The following CCDC125 variants were observed in gnomAD, a reference collection of about 807,000 sequenced individuals.
CCDC125 encodes the protein coiled-coil domain-containing protein 125.
CCDC125 carries 43 observed loss-of-function variants against 57.4 expected under a neutral mutation model. The observed-to-expected ratio is 0.75, with a 90% CI of 0.59 to 0.97. CCDC125 has a LOEUF of 0.97. CCDC125 is among the 50% of genes least tolerant of loss of function. The pLI is 0.00. For synonymous variants in CCDC125, 187 were observed against 195.2 expected (o/e 0.96, Z 0.35); for missense variants, 563 against 595.7 (o/e 0.95, Z 0.57).
intron 10 of CCDC125, among the ~76,000 whole-genome samples, chr5:69,290,642 T>C (rs1176814200): frequency 1.4e-5 from 2 of 147,382 alleles, no homozygotes; most frequent in African/African-American, 5.0e-5. Context: ...TTTTTTTTTT[T>C]TTTGTTTGAG....
intron 11 of CCDC125, among the ~76,000 whole-genome samples, 179 bp downstream of exon 11, chr5:69,285,158 A>G (rs1446446531): frequency 6.6e-6 from 1 of 152,110 alleles, no homozygotes; most frequent in Non-Finnish European, 1.5e-5. Flanking sequence ...CACTAATGAT[A>G]GCTGATGAAC....
chr5:69,283,093 G>A, intron 11 of CCDC125, 59 bp from the exon 12 acceptor site: 1 of 1,322,210 alleles, frequency 7.6e-7, no homozygotes, highest in South Asian at 1.4e-5. Context: ...AATATATTCA[G>A]AGAAAGGAGT....
At chr5:69,287,207 TGAGA>T (rs987315429) in intron 10 of CCDC125, among the ~76,000 whole-genome samples, 2 of 151,814 alleles carry the variant, frequency 1.3e-5, no homozygotes, top group Non-Finnish European at 2.9e-5. Flanking sequence ...ACTGAGAAAC[TGAGA>T]AAGAACTACT....
At position 69,315,577 on chromosome 5, in the gene CCDC125, T is replaced by C. The variant is rs538406730; in HGVS notation, c.305-1531A>G. 4.7e-5 allele frequency among the ~76,000 whole-genome samples: 7 copies of C among 149,806 alleles called. No individual in the cohort carries two copies. In the East Asian group the frequency reaches 1.4e-3, roughly 30 times the overall value. On this transcript the variant is annotated intron_variant, in intron 2 of 11. Transcript: ENST00000396496. ...TTCTAGACCAGCCTGGCCTACATGG[T>C]GAAACTCCATCTCTACTAACAAATA...
At chr5:69,279,526 G>A (rs1231266940), downstream of CCDC125, among the ~76,000 whole-genome samples, 2 of 152,100 alleles carry the variant, frequency 1.3e-5, no homozygotes, top group Non-Finnish European at 2.9e-5. Flanking sequence ...TGCAATTCTT[G>A]TGCTCCATTG....
intron 10 of CCDC125, among the ~76,000 whole-genome samples, chr5:69,287,118 T>G (rs970591159): frequency 6.6e-6 from 1 of 152,044 alleles, no homozygotes; most frequent in African/African-American, 2.4e-5. Flanking sequence ...TAAGTGTTAC[T>G]AAACATAAAA....
intron 2 of CCDC125, among the ~76,000 whole-genome samples, chr5:69,319,170 C>T (rs1336585442): frequency 6.6e-6 from 1 of 152,108 alleles, no homozygotes; most frequent in Non-Finnish European, 1.5e-5. Context: ...TCAAGTGATC[C>T]ATCCGCCTCA....
In CCDC125 at chr5:69,328,703, C is replaced by T. The variant is rs78628287; in HGVS notation, c.-41+3946G>A. On this transcript the variant is annotated intron_variant, in intron 1 of 11. Transcript: ENST00000396496. ...TTTATAATATTGTATTTTAACAGTACTACAAAATCTAAGAATATCTACAGC... is the reference window on the plus strand; with the variant it reads ...TTTATAATATTGTATTTTAACAGTATTACAAAATCTAAGAATATCTACAGC... 3.6e-3 allele frequency among the ~76,000 whole-genome samples: 541 copies of T among 152,054 alleles called. 3 individuals carry two copies. Among genetic ancestry groups the T allele is most frequent in the African/African-American group, 0.012 (518 of 41,500 alleles).
intron 3 of CCDC125, chr5:69,313,320 G>A (rs1451240695): frequency 3.0e-5 from 26 of 860,456 alleles, no homozygotes; most frequent in Middle Eastern, 3.5e-4. Flanking sequence ...TGCAACCCCC[G>A]AGGACAGGTG....
chr5:69,315,885 T>A (rs1462296555), intron 2 of CCDC125, among the ~76,000 whole-genome samples: 1 of 146,688 alleles, frequency 6.8e-6, no homozygotes, highest in African/African-American at 2.5e-5. Flanking sequence ...AGAATTTAAA[T>A]TGAGCTTCCT....
intron 11 of CCDC125, among the ~76,000 whole-genome samples, chr5:69,283,434 A>G (rs1246519881): frequency 1.3e-5 from 2 of 151,844 alleles, no homozygotes; most frequent in African/African-American, 4.8e-5. Context: ...GTTTGCCAGG[A>G]TGGTCTGAAT....
intron 2 of CCDC125, among the ~76,000 whole-genome samples, chr5:69,318,226 C>T (rs1252762082): frequency 1.1e-4 from 17 of 151,342 alleles, no homozygotes; most frequent in Non-Finnish European, 2.4e-4. Flanking sequence ...ATGATCCACC[C>T]GCCTCAGCCT....
chr5:69,273,426 T>A, the CCDC125 span, among the ~76,000 whole-genome samples: 1 of 152,224 alleles, frequency 6.6e-6, no homozygotes, highest in African/African-American at 2.4e-5. Flanking sequence ...ATGCTGAAAG[T>A]AGTTTGTTCG....
rs1752663254 is a variant in CCDC125, at chr5:69,283,003, T to TA, written c.1261_1262insT (p.Gln421LeufsTer5). 3.7e-6 allele frequency: 6 copies of TA among 1,604,688 alleles called. No individual in the cohort carries two copies. Among genetic ancestry groups the TA allele is most frequent in the Non-Finnish European group, 5.1e-6 (6 of 1,176,682 alleles). ...AGCAAGCATGTAGCTAACTTTTCTTTGATGAGCCAAAGCTTCTTCTTTATC... is the reference window on the plus strand; with the variant it reads ...AGCAAGCATGTAGCTAACTTTTCTTTAGATGAGCCAAAGCTTCTTCTTTATC... On this transcript the variant is annotated frameshift_variant, in exon 12 of 12. Transcript: ENST00000396496. LOFTEE classifies it low-confidence loss of function (END_TRUNC).
At chr5:69,290,772 G>A (rs1319144380) in intron 10 of CCDC125, among the ~76,000 whole-genome samples, 2 of 151,514 alleles carry the variant, frequency 1.3e-5, no homozygotes, top group Admixed American at 1.3e-4. Flanking sequence ...TGGGACTACA[G>A]GCGCCTGCGA....
At chr5:69,301,252 G>A (rs530659139) in intron 7 of CCDC125, among the ~76,000 whole-genome samples, 1 of 152,022 alleles carries the variant, frequency 6.6e-6, no homozygotes, top group East Asian at 2.0e-4. Flanking sequence ...TGGCCATTAC[G>A]GGCATGAGCA....
chr5:69,313,621 G>A (rs1276188873), intron 3 of CCDC125: 1 of 731,906 alleles, frequency 1.4e-6, no homozygotes, highest in Non-Finnish European at 2.5e-6. Context: ...GCGTCATAGA[G>A]GGCGTAGAGG....
At chr5:69,325,893 A>T (rs910091514) in intron 1 of CCDC125, among the ~76,000 whole-genome samples, 1 of 150,092 alleles carries the variant, frequency 6.7e-6, no homozygotes. Flanking sequence ...CTTAGGCTGA[A>T]GTGCAGTGAT....
At chr5:69,286,819 C>T (rs565161492) in intron 10 of CCDC125, among the ~76,000 whole-genome samples, 66 of 152,068 alleles carry the variant, frequency 4.3e-4, no homozygotes, top group African/African-American at 1.4e-3. Flanking sequence ...ACCACAGTGA[C>T]GAGGGCGGCC....
Sources: gnomAD v4.1 joint callset for allele counts (sites outside exome capture counted in the v4.1 genomes callset) on GRCh38, gnomAD v4.1.1 for gene constraint, MANE v1.5 for transcripts, NCBI Gene and HGNC (gene_info 2026-07-23, HGNC 2026-07-21) for gene names.